The following PIR variants were observed in gnomAD, a reference collection of about 807,000 sequenced individuals.
PIR encodes pirin.
In PIR, 22 loss-of-function variants were observed where a neutral mutation model predicts 24.2. The ratio of observed to expected loss-of-function variants is 0.91; its 90% CI spans 0.65 to 1.30. The LOEUF (loss-of-function observed/expected upper bound fraction) is 1.30. PIR is among the 50% of genes most tolerant of loss of function. The pLI is 0.00. For synonymous variants in PIR, 80 were observed against 79.6 expected, an observed-to-expected ratio of 1.00 and a Z score of -0.03; for missense variants, 220 against 220.3, an observed-to-expected ratio of 1.00 and a Z score of 0.01.
chrX:15,435,805 G>C (rs1413908095), intron 5 of PIR, among the ~76,000 whole-genome samples: 2 of 112,274 alleles, frequency 1.8e-5, no homozygotes, highest in African/African-American at 6.5e-5. Context: ...CTTTGAGGAA[G>C]TGAAAAGTAG....
chrX:15,458,424 T>C (rs1470121771), intron 4 of PIR, among the ~76,000 whole-genome samples: 1 of 111,313 alleles, frequency 9.0e-6, no homozygotes, highest in Non-Finnish European at 1.9e-5. Flanking sequence ...GTGGATCGCT[T>C]GAGCCTAGGA....
chrX:15,423,844 G>T (rs1388341951), intron 6 of PIR, among the ~76,000 whole-genome samples: 1 of 112,191 alleles, frequency 8.9e-6, no homozygotes, highest in Non-Finnish European at 1.9e-5. Context: ...CTAATCACCA[G>T]AGAAATGCAA....
At chrX:15,422,412 C>A (rs12559207) in intron 6 of PIR, among the ~76,000 whole-genome samples, 1 of 108,563 alleles carries the variant, frequency 9.2e-6, no homozygotes, top group East Asian at 2.8e-4. Flanking sequence ...TCATCTTACA[C>A]TAAGAAAAAC....
At chrX:15,445,078 GAA>G (rs1926043408) in intron 5 of PIR, among the ~76,000 whole-genome samples, 3 of 105,761 alleles carry the variant, frequency 2.8e-5, no homozygotes, top group Non-Finnish European at 5.8e-5. Flanking sequence ...TGTAACTAGA[GAA>G]TAACACGTGG....
chrX:15,481,830 T>C lies in PIR; in HGVS notation c.97-2009A>G, dbSNP rs376834078. ...GCTTAATAGTTCACACACAAAAAAA[T>C]TGTCTTGCATTGGATTAAAGCCGTG... On this transcript the variant is annotated intron_variant, in intron 2 of 9. Coordinates refer to ENST00000380420, the MANE Select transcript of PIR (RefSeq NM_001018109.3). Among the ~76,000 whole-genome samples the C allele has an allele frequency of 5.4e-5, 6 of 111,966 alleles. No homozygotes were observed. In the South Asian group the frequency reaches 1.1e-3, roughly 21 times the overall value.
chrX:15,461,000 C>T (rs1264902412), intron 3 of PIR, among the ~76,000 whole-genome samples: 2 of 112,108 alleles, frequency 1.8e-5, no homozygotes, highest in East Asian at 5.6e-4. Flanking sequence ...CCACATTAGC[C>T]ATACAATGTC....
intron 2 of PIR, among the ~76,000 whole-genome samples, chrX:15,486,372 C>G (rs993023262): frequency 2.8e-5 from 3 of 106,981 alleles, no homozygotes; most frequent in Non-Finnish European, 5.8e-5. Context: ...CATAATAAAG[C>G]CTGGAATTTT....
At chrX:15,492,888 G>T (rs1269770974) in intron 1 of PIR, among the ~76,000 whole-genome samples, 3 of 111,793 alleles carry the variant, frequency 2.7e-5, no homozygotes, top group African/African-American at 9.8e-5. Context: ...AGTACAGGCC[G>T]GTCATCACCT....
chrX:15,443,591 A>T (rs910582518), intron 5 of PIR, among the ~76,000 whole-genome samples: 1 of 111,929 alleles, frequency 8.9e-6, no homozygotes, highest in Admixed American at 9.5e-5. Flanking sequence ...TATAAATTTC[A>T]TAAGGCTATA....
At chrX:15,404,003 T>A (rs1486792032) in intron 7 of PIR, among the ~76,000 whole-genome samples, 1 of 108,333 alleles carries the variant, frequency 9.2e-6, no homozygotes, top group African/African-American at 3.4e-5. Context: ...CTTTTTTTTT[T>A]TTTTTTCTTT....
intron 3 of PIR, among the ~76,000 whole-genome samples, chrX:15,466,006 G>GTTTTTTTTTTTT (rs200803758): frequency 1.2e-3 from 77 of 63,091 alleles, no homozygotes; most frequent in African/African-American, 1.9e-3. Context: ...AATGGTGGCT[G>GTTTTTTTTTTTT]TTTTTTTTTT....
At chrX:15,481,630 TG>T (rs1922507439) in intron 2 of PIR, among the ~76,000 whole-genome samples, 1 of 112,049 alleles carries the variant, frequency 8.9e-6, no homozygotes, top group African/African-American at 3.2e-5. Context: ...GGAATTCTAC[TG>T]CAAACAGCAT....
At chrX:15,419,971 C>T (rs1386983391) in intron 6 of PIR, among the ~76,000 whole-genome samples, 7 of 104,449 alleles carry the variant, frequency 6.7e-5, no homozygotes, top group Admixed American at 2.1e-4. Flanking sequence ...CCGAGGTGGG[C>T]GGATCACCTG....
chrX:15,454,578 T>C (rs1028609519), intron 5 of PIR, among the ~76,000 whole-genome samples: 38 of 111,577 alleles, frequency 3.4e-4, no homozygotes, highest in African/African-American at 9.8e-4. Context: ...ATGACCAATC[T>C]GTTAACCATC....
At chrX:15,415,428 T>C (rs1175364025) in intron 6 of PIR, among the ~76,000 whole-genome samples, 1 of 112,022 alleles carries the variant, frequency 8.9e-6, no homozygotes, top group Non-Finnish European at 1.9e-5. Context: ...TCATGGATTT[T>C]TGCCATTTTT....
At chrX:15,400,079 C>T (rs1924325033) in intron 7 of PIR, among the ~76,000 whole-genome samples, 1 of 111,811 alleles carries the variant, frequency 8.9e-6, no homozygotes, top group Non-Finnish European at 1.9e-5. Flanking sequence ...GGAAGGCACA[C>T]AATCAGCTCC....
chrX:15,482,501 C>A (rs1455690984), intron 2 of PIR, among the ~76,000 whole-genome samples: 2 of 111,854 alleles, frequency 1.8e-5, no homozygotes, highest in Non-Finnish European at 3.8e-5. Flanking sequence ...CTTCTCCACA[C>A]CATTGAGACA....
intron 2 of PIR, among the ~76,000 whole-genome samples, chrX:15,489,799 G>A (rs942928207): frequency 7.2e-5 from 8 of 111,884 alleles, no homozygotes; most frequent in Non-Finnish European, 1.5e-4. Context: ...TCAACATTAC[G>A]CTAGGTGAAA....
chrX:15,422,991 A>T (rs747059033), intron 6 of PIR, among the ~76,000 whole-genome samples: 1 of 112,069 alleles, frequency 8.9e-6, no homozygotes, highest in Non-Finnish European at 1.9e-5. Flanking sequence ...AATGGAACTC[A>T]TTTTTGACAA....
Sources: gnomAD v4.1 joint callset for allele counts (sites outside exome capture counted in the v4.1 genomes callset) on GRCh38, gnomAD v4.1.1 for gene constraint, MANE v1.5 for transcripts, NCBI Gene and HGNC (gene_info 2026-07-23, HGNC 2026-07-21) for gene names.